The following DNAJC6 variants were observed in gnomAD, a reference collection of about 807,000 sequenced individuals.
DNAJC6 encodes DnaJ heat shock protein family (Hsp40) member C6.
A neutral mutation model predicts 110.0 loss-of-function variants in DNAJC6; 34 were observed. The ratio of observed to expected loss-of-function variants is 0.31; its 90% CI spans 0.24 to 0.41. DNAJC6 has a LOEUF of 0.41. DNAJC6 is among the 10% of genes least tolerant of loss of function. DNAJC6 has a pLI of 1.00. For synonymous variants in DNAJC6, 406 were observed against 437.2 expected, an observed-to-expected ratio of 0.93 and a Z score of 0.89; for missense variants, 1,031 against 1,207.8, an observed-to-expected ratio of 0.85 and a Z score of 2.17.
At chr1:65,405,619 C>T (rs559246256) in intron 15 of DNAJC6, among the ~76,000 whole-genome samples, 1 of 152,246 alleles carries the variant, frequency 6.6e-6, no homozygotes, top group Non-Finnish European at 1.5e-5. Context: ...AGAAAAATCA[C>T]TTAACTGCTC....
At chr1:65,348,641 A>C (rs1406896452) in intron 1 of DNAJC6, among the ~76,000 whole-genome samples, 2 of 151,966 alleles carry the variant, frequency 1.3e-5, no homozygotes, top group South Asian at 4.1e-4. Context: ...CTATTAACCT[A>C]TCTGTAACTT....
chr1:65,320,388 G>A (rs1051900704), intron 1 of DNAJC6, among the ~76,000 whole-genome samples: 16 of 152,140 alleles, frequency 1.1e-4, no homozygotes, highest in African/African-American at 3.9e-4. Flanking sequence ...ACCCTTCCAT[G>A]TCTAAATTAG....
chr1:65,411,004 A>G (rs1646123405), intron 17 of DNAJC6, among the ~76,000 whole-genome samples: 1 of 152,186 alleles, frequency 6.6e-6, no homozygotes, highest in Non-Finnish European at 1.5e-5. Flanking sequence ...AAGGAATTCA[A>G]ACTCGCAAAG....
At chr1:65,271,200 G>A (rs536341982) in intron 1 of DNAJC6, among the ~76,000 whole-genome samples, 24 of 151,366 alleles carry the variant, frequency 1.6e-4, no homozygotes, top group African/African-American at 5.6e-4. Context: ...CTACATTTTG[G>A]AATGATCAAA....
At chr1:65,355,882 CTTTTT>C (rs372078909) in intron 1 of DNAJC6, among the ~76,000 whole-genome samples, 10 of 82,852 alleles carry the variant, frequency 1.2e-4, no homozygotes, top group African/African-American at 4.3e-4. Flanking sequence ...AACAGCATGG[CTTTTT>C]TTTTTTTTTT....
Position 65,413,084 on chromosome 1 carries a change from T to C in DNAJC6, c.*59T>C. ...TGCTAATGCTTAGTGTGTGTCACAATTCTGAGGTTTTCGCAGATGAACCAA... is the reference window on the plus strand; with the variant it reads ...TGCTAATGCTTAGTGTGTGTCACAACTCTGAGGTTTTCGCAGATGAACCAA... On this transcript the variant is annotated 3_prime_UTR_variant, in exon 19 of 19. Transcript: ENST00000371069. The C allele has an allele frequency of 6.7e-7, 1 of 1,500,864 alleles. No individual in the cohort carries two copies. The highest frequency in any genetic ancestry group is 9.1e-7 in the Non-Finnish European group (1 of 1,093,506). 93.0% of individuals were successfully genotyped at this position (1,500,864 alleles called of 1,614,324 possible).
chr1:65,360,641 A>G (rs957731300), intron 1 of DNAJC6, among the ~76,000 whole-genome samples: 4 of 152,202 alleles, frequency 2.6e-5, no homozygotes, highest in African/African-American at 7.2e-5. Context: ...AGATTTTTAC[A>G]TGGTGGGGTG....
intron 18 of DNAJC6, 52 bp downstream of exon 18, chr1:65,411,478 C>T (rs747195573): frequency 4.5e-6 from 7 of 1,540,070 alleles, no homozygotes; most frequent in Non-Finnish European, 6.2e-6. Context: ...GCTTCATTAT[C>T]TTATGAGTAT....
intron 1 of DNAJC6, among the ~76,000 whole-genome samples, chr1:65,321,719 G>T (rs140953043): frequency 9.9e-4 from 151 of 152,252 alleles, no homozygotes; most frequent in African/African-American, 3.6e-3. Flanking sequence ...AAATGTTTTT[G>T]AGAGAAGGTT....
intron 2 of DNAJC6, 111 bp downstream of exon 2, chr1:65,364,896 T>C: frequency 7.2e-7 from 1 of 1,394,114 alleles, no homozygotes; most frequent in Non-Finnish European, 9.8e-7. Context: ...GATATAATTT[T>C]ATGGGATCTG....
chr1:65,367,047 A>G (rs920915342), intron 4 of DNAJC6, among the ~76,000 whole-genome samples: 3 of 152,168 alleles, frequency 2.0e-5, no homozygotes, highest in Admixed American at 6.6e-5. Context: ...AACACACACA[A>G]GAAAATTGGT....
chr1:65,324,547 C>T (rs1047365357), intron 1 of DNAJC6, among the ~76,000 whole-genome samples: 15 of 151,934 alleles, frequency 9.9e-5, no homozygotes, highest in Admixed American at 2.6e-4. Flanking sequence ...TTAGTAGAGA[C>T]GGGGTTTCAC....
intron 15 of DNAJC6, among the ~76,000 whole-genome samples, chr1:65,402,374 G>A (rs1027351496): frequency 3.3e-5 from 5 of 152,288 alleles, no homozygotes; most frequent in Admixed American, 6.5e-5. Context: ...CTCAAGTATC[G>A]TATTTCCAGA....
chr1:65,377,482 G>C (rs1645777558), intron 4 of DNAJC6, among the ~76,000 whole-genome samples: 1 of 152,210 alleles, frequency 6.6e-6, no homozygotes, highest in Non-Finnish European at 1.5e-5. Context: ...TAAATTGACA[G>C]AGGCCAATGC....
intron 1 of DNAJC6, among the ~76,000 whole-genome samples, chr1:65,285,011 G>T (rs946314614): frequency 1.3e-5 from 2 of 152,016 alleles, no homozygotes; most frequent in African/African-American, 4.8e-5. Context: ...TAACTCTGTG[G>T]TTTTCCATCT....
chr1:65,334,984 T>TAAG (rs1414910474), intron 1 of DNAJC6, among the ~76,000 whole-genome samples: 1 of 152,226 alleles, frequency 6.6e-6, no homozygotes, highest in Non-Finnish European at 1.5e-5. Context: ...TACCACCCTT[T>TAAG]GGTAAACACC....
At chr1:65,364,927 G>A in intron 2 of DNAJC6, 142 bp downstream of exon 2, 1 of 1,178,410 alleles carries the variant, frequency 8.5e-7, no homozygotes, top group Non-Finnish European at 1.2e-6. Context: ...AAATGTCATT[G>A]AAGACATAAA....
intron 1 of DNAJC6, among the ~76,000 whole-genome samples, chr1:65,281,429 C>G (rs1015450195): frequency 2.0e-5 from 3 of 152,134 alleles, no homozygotes; most frequent in Admixed American, 6.5e-5. Context: ...CCTTTTCCTC[C>G]TCCCCCTAGC....
At chr1:65,292,590 C>T (rs1644889902) in intron 1 of DNAJC6, among the ~76,000 whole-genome samples, 1 of 151,676 alleles carries the variant, frequency 6.6e-6, no homozygotes, top group Admixed American at 6.6e-5. Flanking sequence ...ACCATCATGC[C>T]TGGCTATTTT....
Sources: allele counts gnomAD v4.1 joint callset (sites outside exome capture counted in the v4.1 genomes callset), GRCh38; gene constraint gnomAD v4.1.1; transcripts MANE v1.5; gene names NCBI Gene and HGNC (gene_info 2026-07-23, HGNC 2026-07-21).